ANKRD30A: variants seen among roughly 807,000 people sequenced by gnomAD.
The protein encoded by ANKRD30A is ankyrin repeat domain 30A, also known as ankyrin repeat domain-containing protein 30A.
In ANKRD30A, 170 loss-of-function variants were observed where a neutral mutation model predicts 166.3. The ratio of observed to expected loss-of-function variants is 1.02; its 90% CI spans 0.90 to 1.16. ANKRD30A has a LOEUF of 1.16. Ranked by LOEUF, ANKRD30A falls within the 50% of genes most tolerant of loss-of-function variation. The pLI, the probability that ANKRD30A is intolerant of heterozygous loss-of-function variation, is 0.00. For missense variants in ANKRD30A, 1,630 were observed against 1,518.0 expected (o/e 1.07, Z -1.23); for synonymous variants, 564 against 508.9 (o/e 1.11, Z -1.46).
At chr10:37,161,548 G>A (rs894968651) in intron 15 of ANKRD30A, among the ~76,000 whole-genome samples, 2 of 152,088 alleles carry the variant, frequency 1.3e-5, no homozygotes, top group Non-Finnish European at 2.9e-5. Flanking sequence ...TAATTCTGGA[G>A]ACTCTGAGAA....
intron 31 of ANKRD30A, among the ~76,000 whole-genome samples, chr10:37,215,288 A>G (rs539799988): frequency 1.4e-4 from 21 of 151,402 alleles, no homozygotes; most frequent in African/African-American, 3.1e-4. Context: ...TCTTGCCACT[A>G]TGTGAGAACC....
chr10:37,197,737 C>T (rs182747330), intron 29 of ANKRD30A, among the ~76,000 whole-genome samples: 1 of 152,174 alleles, frequency 6.6e-6, no homozygotes, highest in Non-Finnish European at 1.5e-5. Context: ...CTATTTTGAA[C>T]TTCTGTATTT....
At chr10:37,179,048 A>G (rs908748730) in intron 24 of ANKRD30A, among the ~76,000 whole-genome samples, 12 of 106,510 alleles carry the variant, frequency 1.1e-4, no homozygotes, top group African/African-American at 3.7e-4. Flanking sequence ...ATATATATAT[A>G]TATATATATA....
chr10:37,190,805 G>T (rs1379728151), intron 25 of ANKRD30A, among the ~76,000 whole-genome samples: 1 of 151,614 alleles, frequency 6.6e-6, no homozygotes, highest in Non-Finnish European at 1.5e-5. Context: ...TTATTAATAT[G>T]AAGCATCAAT....
At chr10:37,206,808 A>T (rs1039951045) in intron 31 of ANKRD30A, among the ~76,000 whole-genome samples, 1 of 150,874 alleles carries the variant, frequency 6.6e-6, no homozygotes, top group Admixed American at 6.7e-5. Context: ...AAAAATAAAA[A>T]TGAAAAAATA....
At chr10:37,202,568 A>G (rs577069962) in intron 31 of ANKRD30A, among the ~76,000 whole-genome samples, 1 of 152,346 alleles carries the variant, frequency 6.6e-6, no homozygotes, top group Admixed American at 6.5e-5. Context: ...TAACATCACA[A>G]TTAAAAGAAC....
At chr10:37,195,739 A>G (rs1841029920) in intron 27 of ANKRD30A, among the ~76,000 whole-genome samples, 1 of 152,146 alleles carries the variant, frequency 6.6e-6, no homozygotes, top group Non-Finnish European at 1.5e-5. Context: ...CTAAAAATAC[A>G]AAAAATTAGC....
intron 18 of ANKRD30A, 70 bp downstream of exon 18, chr10:37,165,225 G>C (rs1839221606): frequency 1.4e-6 from 2 of 1,433,646 alleles, no homozygotes; most frequent in Non-Finnish European, 9.8e-7. Context: ...CAGATGCTTA[G>C]TCTTTATTTT....
chr10:37,251,931 G>T, the ANKRD30A span, among the ~76,000 whole-genome samples: 1 of 152,074 alleles, frequency 6.6e-6, no homozygotes, highest in Non-Finnish European at 1.5e-5. Context: ...GTACTCCCAT[G>T]GTTGCTCCTA....
At chr10:37,220,948 A>G (rs1205841548) in intron 34 of ANKRD30A, among the ~76,000 whole-genome samples, 1 of 151,248 alleles carries the variant, frequency 6.6e-6, no homozygotes, top group Non-Finnish European at 1.5e-5. Context: ...ATGTGATTGA[A>G]TATGTGAGGA....
At chr10:37,239,672 G>A in the ANKRD30A span, among the ~76,000 whole-genome samples, 1 of 152,080 alleles carries the variant, frequency 6.6e-6, no homozygotes, top group African/African-American at 2.4e-5. Context: ...CTTTGTAGTA[G>A]TAAGAGAAAA....
rs1399073622 is a variant in ANKRD30A, at chr10:37,190,854, G to A, written c.2512+1297G>A. ...TATATAGATGTATGTATGTATGTATGTTTTTGACGTTCACAATTTGAATAA... is the reference window on the plus strand; with the variant it reads ...TATATAGATGTATGTATGTATGTATATTTTTGACGTTCACAATTTGAATAA... On this transcript the variant is annotated intron_variant, in intron 25 of 35. Transcript: ENST00000361713. 1.3e-5 allele frequency among the ~76,000 whole-genome samples: 2 copies of A among 151,652 alleles called. 1 individual carries two copies. The highest frequency in any genetic ancestry group is 1.3e-4 in the Admixed American group (2 of 15,210).
intron 8 of ANKRD30A, among the ~76,000 whole-genome samples, chr10:37,145,379 A>T (rs1159664492): frequency 6.6e-6 from 1 of 152,144 alleles, no homozygotes; most frequent in Non-Finnish European, 1.5e-5. Flanking sequence ...GAGGAGGCTG[A>T]GGCAGGAGAA....
chr10:37,200,605 C>T (rs1394022181), intron 30 of ANKRD30A, among the ~76,000 whole-genome samples: 1 of 152,020 alleles, frequency 6.6e-6, no homozygotes, highest in Non-Finnish European at 1.5e-5. Flanking sequence ...TACTTATTTG[C>T]TTTTATTTAG....
rs746782320 is a variant in ANKRD30A, at chr10:37,165,093, G to T, written c.2003-1G>T. Reference sequence around the variant, plus strand: ...ATGTATCTGTGATTAACCTTTTATAGATGAGATACTCCCATCAGAATCCAA... The same window carrying T: ...ATGTATCTGTGATTAACCTTTTATATATGAGATACTCCCATCAGAATCCAA... On this transcript the variant is annotated splice_acceptor_variant, in intron 17 of 35. Coordinates refer to ENST00000361713, the MANE Select transcript of ANKRD30A (RefSeq NM_052997.3). LOFTEE classifies it high-confidence loss of function. The T allele has an allele frequency of 2.5e-6, 4 of 1,607,178 alleles. No individual in the cohort carries two copies. Among genetic ancestry groups the T allele is most frequent in the Non-Finnish European group, 2.6e-6 (3 of 1,174,264 alleles).
intron 32 of ANKRD30A, among the ~76,000 whole-genome samples, chr10:37,217,074 GTCT>G (rs1842640692): frequency 6.6e-6 from 1 of 150,768 alleles, no homozygotes; most frequent in Non-Finnish European, 1.5e-5. Flanking sequence ...ATTATATTCT[GTCT>G]TGTTCTAAAA....
intron 30 of ANKRD30A, among the ~76,000 whole-genome samples, chr10:37,201,016 C>G (rs146208108): frequency 1.3e-5 from 2 of 151,704 alleles, no homozygotes; most frequent in Admixed American, 1.3e-4. Context: ...GCTCAGTCAC[C>G]GAGTTAATGG....
At position 37,132,352 on chromosome 10, in the gene ANKRD30A, G is replaced by A. The variant is rs1836429390; in HGVS notation, c.617+6G>A. The A allele has an allele frequency of 6.6e-7, 1 of 1,507,052 alleles. No individual in the cohort carries two copies. Among genetic ancestry groups the A allele is most frequent in the Admixed American group, 2.1e-5 (1 of 48,572 alleles). 93.4% of individuals were successfully genotyped at this position (1,507,052 alleles called of 1,614,324 possible). A position where few individuals can be genotyped will look rare whatever the true frequency, so the allele number is the denominator to read the frequency against. On this transcript the variant is annotated splice_donor_region_variant and intron_variant, in intron 4 of 35. Coordinates refer to ENST00000361713, the MANE Select transcript of ANKRD30A (RefSeq NM_052997.3). Reference sequence around the variant, plus strand: ...GCAGTTAATAAGTATAAATGGTATAGTAGTTCTTTTTTTATTAAAAAACAC... The same window carrying A: ...GCAGTTAATAAGTATAAATGGTATAATAGTTCTTTTTTTATTAAAAAACAC...
chr10:37,192,879 C>T (rs915717503), intron 25 of ANKRD30A, among the ~76,000 whole-genome samples, 185 bp from the exon 26 acceptor site: 1 of 151,922 alleles, frequency 6.6e-6, no homozygotes, highest in Non-Finnish European at 1.5e-5. Context: ...TTCAAATTGT[C>T]TTAGGTATAT....
Sources: allele counts gnomAD v4.1 joint callset (sites outside exome capture counted in the v4.1 genomes callset), GRCh38; gene constraint gnomAD v4.1.1; transcripts MANE v1.5; gene names NCBI Gene and HGNC (gene_info 2026-07-23, HGNC 2026-07-21).